TBC1D9: variants seen among roughly 807,000 people sequenced by gnomAD.
The protein encoded by TBC1D9 is TBC1 domain family member 9A.
A neutral mutation model predicts 132.0 loss-of-function variants in TBC1D9; 63 were observed. The ratio of observed to expected loss-of-function variants is 0.48; its 90% CI spans 0.39 to 0.59. TBC1D9 has a LOEUF of 0.59. Ranked by LOEUF, TBC1D9 falls within the 20% of genes least tolerant of loss-of-function variation. TBC1D9 has a pLI of 0.00. For missense variants in TBC1D9, 1,261 were observed against 1,592.7 expected (o/e 0.79, Z 3.54); for synonymous variants, 610 against 609.9 (o/e 1.00, Z 0.00).
At chr4:140,648,484 C>T (rs568064142) in intron 13 of TBC1D9, among the ~76,000 whole-genome samples, 3 of 151,172 alleles carry the variant, frequency 2.0e-5, no homozygotes, top group Non-Finnish European at 4.4e-5. Flanking sequence ...CTCCTAGGCT[C>T]AGATGATCCT....
chr4:140,705,512 A>ATGTGTG (rs139885350), intron 1 of TBC1D9, among the ~76,000 whole-genome samples: 6 of 142,088 alleles, frequency 4.2e-5, no homozygotes, highest in African/African-American at 1.0e-4. Context: ...GGGTGTGTGC[A>ATGTGTG]TGTGTGTGTG....
intron 15 of TBC1D9, among the ~76,000 whole-genome samples, chr4:140,634,569 G>T (rs1261755394): frequency 1.3e-5 from 2 of 152,062 alleles, no homozygotes; most frequent in African/African-American, 4.8e-5. Flanking sequence ...ACTTGAAAAA[G>T]ATAGGAATTT....
At chr4:140,752,368 A>G (rs1294930365) in intron 1 of TBC1D9, among the ~76,000 whole-genome samples, 1 of 152,216 alleles carries the variant, frequency 6.6e-6, no homozygotes, top group African/African-American at 2.4e-5. Context: ...CTTAAAAAAA[A>G]AAGCAAAACC....
chr4:140,731,668 T>C lies in TBC1D9; in HGVS notation c.130+24248A>G, dbSNP rs78543470. ...AATGGCACCATAGTTTTAAAACACA[T>C]ACACACACACACACACACACACACA... On this transcript the variant is annotated intron_variant, in intron 1 of 20. Transcript: ENST00000442267. Among the ~76,000 whole-genome samples, 543 of 147,198 alleles carry C rather than the reference T, an allele frequency of 3.7e-3. 4 individuals carry two copies. Among genetic ancestry groups the C allele is most frequent in the African/African-American group, 0.01 (405 of 40,252 alleles).
At chr4:140,679,558 C>G in intron 4 of TBC1D9, 57 bp downstream of exon 4, 2 of 1,291,310 alleles carry the variant, frequency 1.5e-6, no homozygotes, top group Middle Eastern at 1.9e-4. Flanking sequence ...TTTATGAGTT[C>G]AGGGCAAACC....
chr4:140,730,803 C>T (rs1738578374), intron 1 of TBC1D9, among the ~76,000 whole-genome samples: 1 of 152,148 alleles, frequency 6.6e-6, no homozygotes, highest in Admixed American at 6.5e-5. Flanking sequence ...ACCTGATGCA[C>T]AACGGTATGG....
At position 140,731,167 on chromosome 4, in the gene TBC1D9, C is replaced by A. The variant is rs114806619; in HGVS notation, c.130+24749G>T. ...TGTTTACATACCACCAACTCAAGCACTTATTGCTGAGTAGCTTCTCACTCA... is the reference window on the plus strand; with the variant it reads ...TGTTTACATACCACCAACTCAAGCAATTATTGCTGAGTAGCTTCTCACTCA... On this transcript the variant is annotated intron_variant, in intron 1 of 20. Coordinates refer to ENST00000442267, the MANE Select transcript of TBC1D9 (RefSeq NM_015130.3). 3.5e-3 allele frequency among the ~76,000 whole-genome samples: 539 copies of A among 152,280 alleles called. 3 individuals are homozygous for A. Among genetic ancestry groups the A allele is most frequent in the African/African-American group, 0.012 (509 of 41,570 alleles).
chr4:140,640,537 G>T (rs1408794663), intron 13 of TBC1D9, among the ~76,000 whole-genome samples: 1 of 151,824 alleles, frequency 6.6e-6, no homozygotes. Context: ...GGTGAGGGAG[G>T]CCCCCTTGGG....
chr4:140,724,660 A>T (rs771578812), intron 1 of TBC1D9, among the ~76,000 whole-genome samples: 1 of 151,904 alleles, frequency 6.6e-6, no homozygotes, highest in Non-Finnish European at 1.5e-5. Context: ...AAAAACTTGC[A>T]ACTCAGATCA....
At chr4:140,669,154 G>A (rs1737495640) in intron 8 of TBC1D9, 87 bp from the exon 9 acceptor site, 2 of 1,299,250 alleles carry the variant, frequency 1.5e-6, no homozygotes, top group Admixed American at 2.3e-5. Context: ...CATGTTCCCT[G>A]CTGAACGGAG....
chr4:140,726,682 A>G (rs1183504925), intron 1 of TBC1D9, among the ~76,000 whole-genome samples: 2 of 152,240 alleles, frequency 1.3e-5, no homozygotes, highest in Non-Finnish European at 2.9e-5. Context: ...AACCACATTT[A>G]CTTATTGTGC....
intron 1 of TBC1D9, among the ~76,000 whole-genome samples, chr4:140,709,246 TCTCACACACA>T (rs1204227000): frequency 2.9e-3 from 301 of 102,356 alleles, no homozygotes; most frequent in African/African-American, 0.013. Context: ...TCTCTCTCTC[TCTCACACACA>T]CACACACACA....
intron 1 of TBC1D9, among the ~76,000 whole-genome samples, chr4:140,735,514 C>G (rs1470857863): frequency 6.6e-6 from 1 of 152,092 alleles, no homozygotes; most frequent in Admixed American, 6.6e-5. Flanking sequence ...GAGTTGGAGA[C>G]TAGCCTGGGC....
chr4:140,733,330 C>T (rs904053904), intron 1 of TBC1D9, among the ~76,000 whole-genome samples: 2 of 152,114 alleles, frequency 1.3e-5, no homozygotes, highest in South Asian at 4.2e-4. Context: ...TATTAAATGT[C>T]CAGATACCAA....
intron 13 of TBC1D9, among the ~76,000 whole-genome samples, chr4:140,650,563 T>G (rs1737172533): frequency 6.6e-6 from 1 of 152,186 alleles, no homozygotes; most frequent in Non-Finnish European, 1.5e-5. Context: ...ATGGAGTTTC[T>G]CTCTTGTTGC....
Position 140,622,837 on chromosome 4 carries a change from C to T in TBC1D9, c.3159G>A (p.Thr1053=), listed in dbSNP as rs775474739. Residue 1053 remains threonine (T), a synonymous_variant, in exon 21 of 21, where the codon ACG becomes ACA. Transcript: ENST00000442267. ...DPNEQELYHA[T]AAVTSLLLEI... ...CCAGCAGGAGGCTGGTCACTGCTGC[C>T]GTGGCGTGGTACAGCTCCTGCTCAT... 46 of 1,597,932 alleles carry T rather than the reference C, an allele frequency of 2.9e-5. No individual in the cohort carries two copies. In the East Asian group the frequency reaches 2.9e-4, roughly 10 times the overall value.
intron 2 of TBC1D9, among the ~76,000 whole-genome samples, chr4:140,689,017 G>A (rs981243397): frequency 2.6e-5 from 4 of 152,032 alleles, no homozygotes; most frequent in East Asian, 3.9e-4. Context: ...TCCTCCACCC[G>A]ATTGTTCCAT....
chr4:140,732,789 A>G (rs1738615254), intron 1 of TBC1D9, among the ~76,000 whole-genome samples: 1 of 152,220 alleles, frequency 6.6e-6, no homozygotes, highest in Non-Finnish European at 1.5e-5. Flanking sequence ...TATTTGAATC[A>G]GTAACACTTT....
chr4:140,727,315 C>T (rs1210674690), intron 1 of TBC1D9, among the ~76,000 whole-genome samples: 3 of 152,304 alleles, frequency 2.0e-5, no homozygotes, highest in Non-Finnish European at 4.4e-5. Context: ...CTCCTGACTA[C>T]CTGGCTCTCT....
Sources: gnomAD v4.1 joint callset for allele counts (sites outside exome capture counted in the v4.1 genomes callset) on GRCh38, gnomAD v4.1.1 for gene constraint, MANE v1.5 for transcripts, NCBI Gene and HGNC (gene_info 2026-07-23, HGNC 2026-07-21) for gene names.